RERG: variants seen among roughly 807,000 people sequenced by gnomAD.
The protein encoded by RERG is ras-related and estrogen-regulated growth inhibitor.
In RERG, 25 loss-of-function variants were observed where a neutral mutation model predicts 23.2. The observed-to-expected ratio is 1.08, with a 90% CI of 0.79 to 1.50. The LOEUF is 1.50. Ranked by LOEUF, RERG falls within the 40% of genes most tolerant of loss-of-function variation. The probability of loss-of-function intolerance (pLI) is 0.00; values close to 1 mark genes in which losing one functional copy is unlikely to be tolerated. For synonymous variants in RERG, 81 were observed against 89.1 expected, an observed-to-expected ratio of 0.91 and a Z score of 0.51; for missense variants, 253 against 250.1, an observed-to-expected ratio of 1.01 and a Z score of -0.08.
chr12:15,180,906 G>A (rs1462484682), intron 2 of RERG, among the ~76,000 whole-genome samples: 1 of 152,202 alleles, frequency 6.6e-6, no homozygotes, highest in Non-Finnish European at 1.5e-5. Context: ...AGCCCCATGA[G>A]TTGTAAAGAT....
intron 3 of RERG, among the ~76,000 whole-genome samples, chr12:15,117,828 T>C (rs555621137): frequency 6.6e-6 from 1 of 152,160 alleles, no homozygotes; most frequent in South Asian, 2.1e-4. Flanking sequence ...ATTCAGAACA[T>C]GGATCCTGTT....
chr12:15,131,359 A>T (rs1483848870), intron 2 of RERG, among the ~76,000 whole-genome samples: 1 of 152,124 alleles, frequency 6.6e-6, no homozygotes, highest in Non-Finnish European at 1.5e-5. Context: ...TAAATTTCCC[A>T]AGTCAGTGTT....
chr12:15,119,156 A>G (rs1379030296), intron 3 of RERG, among the ~76,000 whole-genome samples: 1 of 152,206 alleles, frequency 6.6e-6, no homozygotes, highest in African/African-American at 2.4e-5. Flanking sequence ...AAGTCTGATG[A>G]AAGTGCTTGT....
chr12:15,133,135 T>G (rs1204771455), intron 2 of RERG, among the ~76,000 whole-genome samples: 2 of 111,978 alleles, frequency 1.8e-5, no homozygotes, highest in Non-Finnish European at 3.6e-5. Context: ...TGGGGTTGTA[T>G]ATCCTGTGGA....
At chr12:15,166,567 G>T (rs950177706) in intron 2 of RERG, among the ~76,000 whole-genome samples, 2 of 151,802 alleles carry the variant, frequency 1.3e-5, no homozygotes, top group African/African-American at 4.8e-5. Context: ...TGGTGTTGGT[G>T]GTGGTGGTGG....
intron 2 of RERG, among the ~76,000 whole-genome samples, chr12:15,215,978 A>T (rs1865436016): frequency 1.3e-5 from 2 of 152,194 alleles, no homozygotes. Flanking sequence ...AGGTTTTAAA[A>T]AATCTCCTTC....
At chr12:15,160,627 A>T (rs1864590337) in intron 2 of RERG, among the ~76,000 whole-genome samples, 1 of 152,216 alleles carries the variant, frequency 6.6e-6, no homozygotes. Flanking sequence ...CCACAATAAA[A>T]TACTTTGCAT....
At chr12:15,165,322 C>T (rs1864671791) in intron 2 of RERG, among the ~76,000 whole-genome samples, 1 of 152,036 alleles carries the variant, frequency 6.6e-6, no homozygotes. Context: ...AGCCAACAAT[C>T]TTTTAACTTC....
intron 3 of RERG, among the ~76,000 whole-genome samples, chr12:15,112,702 A>G (rs1245971261): frequency 6.6e-6 from 1 of 152,216 alleles, no homozygotes; most frequent in Non-Finnish European, 1.5e-5. Flanking sequence ...AAGTAAAACA[A>G]AGGAACATGT....
At chr12:15,213,716 T>C (rs1303844470) in intron 2 of RERG, among the ~76,000 whole-genome samples, 1 of 152,238 alleles carries the variant, frequency 6.6e-6, no homozygotes, top group Non-Finnish European at 1.5e-5. Flanking sequence ...TTTGCTGACA[T>C]GTCTGTGGTC....
At chr12:15,161,058 C>T (rs756704004) in intron 2 of RERG, among the ~76,000 whole-genome samples, 17 of 151,648 alleles carry the variant, frequency 1.1e-4, no homozygotes, top group Non-Finnish European at 2.2e-4. Context: ...TTGCTTGAAC[C>T]CAGGAGGCGG....
chr12:15,138,930 G>C (rs1332192242), intron 2 of RERG, among the ~76,000 whole-genome samples: 2 of 147,362 alleles, frequency 1.4e-5, no homozygotes, highest in East Asian at 4.1e-4. Context: ...CTATAATCTA[G>C]AAACCTTACA....
intron 2 of RERG, among the ~76,000 whole-genome samples, chr12:15,185,487 C>A (rs1864977658): frequency 6.6e-6 from 1 of 152,154 alleles, no homozygotes; most frequent in African/African-American, 2.4e-5. Flanking sequence ...AATGCCCCTA[C>A]CTCCCGCTAG....
intron 2 of RERG, among the ~76,000 whole-genome samples, chr12:15,213,919 G>A (rs1018295679): frequency 9.9e-5 from 15 of 151,616 alleles, no homozygotes; most frequent in African/African-American, 2.7e-4. Flanking sequence ...ACGAAGTATT[G>A]TTATGATCAT....
intron 2 of RERG, among the ~76,000 whole-genome samples, chr12:15,192,319 C>A (rs1186533951): frequency 6.6e-6 from 1 of 152,140 alleles, no homozygotes; most frequent in Admixed American, 6.6e-5. Context: ...TGCTACGATT[C>A]TTGTATAGCC....
rs772353150 is a variant in RERG at position 15,212,042 on chromosome 12, C to CTTTTTTTTT, written c.61+5378_61+5386dup. Among the ~76,000 whole-genome samples, 35 of 64,716 alleles carry CTTTTTTTTT rather than the reference C, an allele frequency of 5.4e-4. 3 individuals carry two copies. The highest frequency in any genetic ancestry group is 1.3e-3 in the South Asian group (2 of 1,570). The allele number at this position is 64,716 out of a possible 152,430, so 42.5% of individuals were successfully genotyped here. On this transcript the variant is annotated intron_variant, in intron 2 of 4. Coordinates refer to ENST00000256953, the MANE Select transcript of RERG (RefSeq NM_032918.3). ...ATGTGATATTAGAGCCACGAATAAA[C>CTTTTTTTTT]TTTTTTTTTTTTTTTTTTTTTTTTT...
At chr12:15,120,300 T>A (rs1394291680) in intron 3 of RERG, among the ~76,000 whole-genome samples, 1 of 152,166 alleles carries the variant, frequency 6.6e-6, no homozygotes, top group African/African-American at 2.4e-5. Flanking sequence ...CTCTCTTTCC[T>A]AGACTGTGCA....
intron 2 of RERG, among the ~76,000 whole-genome samples, chr12:15,185,007 T>C (rs1864970853): frequency 1.3e-5 from 2 of 152,154 alleles, no homozygotes; most frequent in African/African-American, 4.8e-5. Flanking sequence ...ACTGCATAAA[T>C]AGCCTCAATA....
intron 2 of RERG, among the ~76,000 whole-genome samples, chr12:15,132,167 AAG>A (rs1224344292): frequency 6.6e-6 from 1 of 152,192 alleles, no homozygotes; most frequent in Non-Finnish European, 1.5e-5. Context: ...GGATGAAGGT[AAG>A]ACTGGAAACA....
Sources: gnomAD v4.1 joint callset for allele counts (sites outside exome capture counted in the v4.1 genomes callset) on GRCh38, gnomAD v4.1.1 for gene constraint, MANE v1.5 for transcripts, NCBI Gene and HGNC (gene_info 2026-07-23, HGNC 2026-07-21) for gene names.